Variants in SSH2 observed in about 807,000 individuals in gnomAD.
SSH2 encodes slingshot protein phosphatase 2.
SSH2 carries 37 observed loss-of-function variants against 135.2 expected under a neutral mutation model. The ratio of observed to expected loss-of-function variants is 0.27; its 90% CI spans 0.21 to 0.36. The LOEUF (loss-of-function observed/expected upper bound fraction) is 0.36. SSH2 is among the 10% of genes least tolerant of loss of function. The probability of loss-of-function intolerance (pLI) is 1.00; values close to 1 mark genes in which losing one functional copy is unlikely to be tolerated. For missense variants in SSH2, 1,408 were observed against 1,765.3 expected (o/e 0.80, Z 3.63); for synonymous variants, 628 against 646.2 (o/e 0.97, Z 0.43).
chr17:29,752,396 A>G (rs2040973922), intron 3 of SSH2, among the ~76,000 whole-genome samples: 1 of 152,146 alleles, frequency 6.6e-6, no homozygotes, highest in African/African-American at 2.4e-5. Context: ...AATTTAATAT[A>G]TATGTAGCAT....
chr17:29,744,913 A>C (rs1027621301), intron 3 of SSH2, among the ~76,000 whole-genome samples: 3 of 150,154 alleles, frequency 2.0e-5, no homozygotes, highest in African/African-American at 7.5e-5. Context: ...TTAAATAAAC[A>C]AACCATAAAG....
intron 2 of SSH2, among the ~76,000 whole-genome samples, chr17:29,813,520 A>G (rs2042486195): frequency 6.6e-6 from 1 of 151,840 alleles, no homozygotes; most frequent in Admixed American, 6.6e-5. Context: ...ATTTTCCCTA[A>G]AAAAATCATT....
At chr17:29,635,465 C>T (rs867215365) in intron 15 of SSH2, among the ~76,000 whole-genome samples, 3 of 151,870 alleles carry the variant, frequency 2.0e-5, no homozygotes, top group Non-Finnish European at 4.4e-5. Context: ...AGTGCAGTGG[C>T]ACAATCTCGG....
intron 3 of SSH2, among the ~76,000 whole-genome samples, chr17:29,735,987 C>T (rs2040350491): frequency 6.6e-6 from 1 of 151,308 alleles, no homozygotes; most frequent in African/African-American, 2.4e-5. Flanking sequence ...ATCCTAGCTA[C>T]CTGTGAGGCT....
intron 3 of SSH2, among the ~76,000 whole-genome samples, chr17:29,737,127 G>T (rs1002881442): frequency 7.1e-6 from 1 of 139,940 alleles, no homozygotes; most frequent in Non-Finnish European, 1.5e-5. Flanking sequence ...AAAAAAAAAG[G>T]CTAATTTTTG....
intron 2 of SSH2, among the ~76,000 whole-genome samples, chr17:29,807,999 G>C (rs2042377340): frequency 6.6e-6 from 1 of 152,134 alleles, no homozygotes; most frequent in Non-Finnish European, 1.5e-5. Context: ...AGAAAGCAGT[G>C]CATTCATAGA....
intron 1 of SSH2, 111 bp from the exon 2 acceptor site, chr17:29,849,040 G>A (rs2065497753): frequency 1.6e-6 from 1 of 627,724 alleles, no homozygotes; most frequent in African/African-American, 1.8e-5. Flanking sequence ...CAGGTGAGAA[G>A]CTGCAATTCT....
chr17:29,756,165 C>T (rs999183217), intron 3 of SSH2, among the ~76,000 whole-genome samples: 60 of 150,422 alleles, frequency 4.0e-4, no homozygotes, highest in African/African-American at 1.3e-3. Context: ...CCCAGCTACT[C>T]GGGAGGCTGA....
chr17:29,759,907 AC>A (rs1244022801), intron 3 of SSH2, among the ~76,000 whole-genome samples: 1 of 152,182 alleles, frequency 6.6e-6, no homozygotes, highest in Non-Finnish European at 1.5e-5. Flanking sequence ...CAGATTATTT[AC>A]CCATTAACTT....
intron 12 of SSH2, among the ~76,000 whole-genome samples, chr17:29,652,351 G>C (rs893237417): frequency 6.6e-6 from 1 of 152,100 alleles, no homozygotes; most frequent in African/African-American, 2.4e-5. Context: ...GTTAGTTGAT[G>C]AACATTAGTG....
chr17:29,631,764 A>G lies in SSH2; in HGVS notation c.3430T>C (p.Phe1144Leu), dbSNP rs772874569. The G allele has an allele frequency of 6.2e-7, 1 of 1,614,150 alleles. No homozygotes were observed. Among genetic ancestry groups the G allele is most frequent in the East Asian group, 2.2e-5 (1 of 44,876 alleles). ...LSTALETAAPFVSHTTHLLSA... is the reference protein window; with the variant it reads ...LSTALETAAPLVSHTTHLLSA... ...AGTAAATGGGTTGTATGACTGACAAAAGGTGCTGCTGTCTCCAGGGCTGTG... is the reference window on the plus strand; with the variant it reads ...AGTAAATGGGTTGTATGACTGACAAGAGGTGCTGCTGTCTCCAGGGCTGTG... Residue 1144 changes from phenylalanine to leucine, a missense_variant, in exon 16 of 16, where the codon TTT becomes CTT. By Grantham distance (22) the Phe-to-Leu change is conservative. Around this residue, in one of 3 missense-constraint regions of SSH2, gnomAD observed 1,080 missense variants for 1,144.5 expected, o/e 0.94. Transcript: ENST00000540801.
intron 3 of SSH2, among the ~76,000 whole-genome samples, chr17:29,722,760 T>G (rs2039865090): frequency 6.6e-6 from 1 of 152,152 alleles, no homozygotes; most frequent in Admixed American, 6.6e-5. Flanking sequence ...AAACACACCG[T>G]GGGAACAGAG....
intron 13 of SSH2, 81 bp downstream of exon 13, chr17:29,650,573 G>C: frequency 7.5e-7 from 1 of 1,333,986 alleles, no homozygotes; most frequent in East Asian, 2.6e-5. Context: ...TCAGTAAGTT[G>C]TCTATAGCCC....
chr17:29,693,945 A>C (rs925923145), intron 5 of SSH2, among the ~76,000 whole-genome samples: 3 of 152,230 alleles, frequency 2.0e-5, no homozygotes, highest in Admixed American at 2.0e-4. Flanking sequence ...AATGTTTCAC[A>C]AGTGCTTATT....
At chr17:29,788,362 G>C (rs1393061478) in intron 3 of SSH2, among the ~76,000 whole-genome samples, 2 of 152,118 alleles carry the variant, frequency 1.3e-5, no homozygotes, top group Non-Finnish European at 2.9e-5. Context: ...CTGCCTTTGA[G>C]CAAGGACATT....
intron 3 of SSH2, among the ~76,000 whole-genome samples, chr17:29,737,009 A>G (rs2040392237): frequency 1.4e-5 from 2 of 143,232 alleles, no homozygotes; most frequent in African/African-American, 5.2e-5. Context: ...TGAGGCAGAA[A>G]AATGGCGTGA....
intron 4 of SSH2, among the ~76,000 whole-genome samples, chr17:29,699,831 G>T (rs772377454): frequency 6.6e-6 from 1 of 152,130 alleles, no homozygotes; most frequent in East Asian, 1.9e-4. Context: ...GTTTTTTGGG[G>T]AAGTGTCCTC....
At chr17:29,832,935 G>A (rs2042873752) in intron 2 of SSH2, among the ~76,000 whole-genome samples, 1 of 152,138 alleles carries the variant, frequency 6.6e-6, no homozygotes, top group Non-Finnish European at 1.5e-5. Context: ...CCAAAGTGCT[G>A]GGATTACAGG....
intron 11 of SSH2, among the ~76,000 whole-genome samples, chr17:29,665,296 T>G (rs1244322604): frequency 6.6e-6 from 1 of 152,128 alleles, no homozygotes; most frequent in Non-Finnish European, 1.5e-5. Flanking sequence ...CACATACTGG[T>G]CAGTTAAAGT....
Sources: gnomAD v4.1 joint callset for allele counts (sites outside exome capture counted in the v4.1 genomes callset) on GRCh38, gnomAD v4.1.1 for gene constraint, gnomAD v4.1.1 regional missense constraint, MANE v1.5 for transcripts, NCBI Gene and HGNC (gene_info 2026-07-23, HGNC 2026-07-21) for gene names.